The following HSD17B12 variants were observed in gnomAD, a reference collection of about 807,000 sequenced individuals.
The protein encoded by HSD17B12 is very-long-chain 3-oxoacyl-CoA reductase.
A neutral mutation model predicts 39.3 loss-of-function variants in HSD17B12; 32 were observed. That is an observed-to-expected ratio of 0.81 (90% CI 0.61 to 1.09). The LOEUF is 1.09. HSD17B12 is among the 50% of genes least tolerant of loss of function. The pLI is 0.00. For missense variants in HSD17B12, 342 were observed against 382.9 expected, an observed-to-expected ratio of 0.89 and a Z score of 0.89; for synonymous variants, 150 against 146.7, an observed-to-expected ratio of 1.02 and a Z score of -0.16.
At chr11:43,600,588 G>A in the HSD17B12 span, among the ~76,000 whole-genome samples, 2 of 152,082 alleles carry the variant, frequency 1.3e-5, no homozygotes, top group Non-Finnish European at 2.9e-5. Flanking sequence ...ATATTTTGGT[G>A]TATGAGCTTT....
At chr11:43,744,428 T>C (rs1223848023) in intron 1 of HSD17B12, among the ~76,000 whole-genome samples, 2 of 152,194 alleles carry the variant, frequency 1.3e-5, no homozygotes, top group African/African-American at 4.8e-5. Flanking sequence ...GATACTTGCG[T>C]TAGAAGACAA....
At chr11:43,666,327 C>T in the HSD17B12 span, among the ~76,000 whole-genome samples, 12 of 152,158 alleles carry the variant, frequency 7.9e-5, no homozygotes, top group Non-Finnish European at 1.5e-5. Context: ...ACCTCAGCTC[C>T]CCTAGCAGCT....
chr11:43,674,678 A>T, the HSD17B12 span, among the ~76,000 whole-genome samples: 1 of 152,234 alleles, frequency 6.6e-6, no homozygotes, highest in African/African-American at 2.4e-5. Flanking sequence ...ACCAACAATT[A>T]TTGCCTATTT....
intron 3 of HSD17B12, among the ~76,000 whole-genome samples, chr11:43,772,879 G>A (rs1950662814): frequency 1.3e-5 from 2 of 152,188 alleles, no homozygotes; most frequent in Non-Finnish European, 1.5e-5. Flanking sequence ...GGGAGGCCGA[G>A]GTAGGTAGAT....
At chr11:43,603,667 A>C in the HSD17B12 span, among the ~76,000 whole-genome samples, 140 of 152,324 alleles carry the variant, frequency 9.2e-4, no homozygotes, top group African/African-American at 3.2e-3. Context: ...GCCACTCTTA[A>C]AAAATAAAAC....
chr11:43,754,180 T>A, intron 3 of HSD17B12, 59 bp downstream of exon 3: 2 of 1,152,742 alleles, frequency 1.7e-6, no homozygotes, highest in South Asian at 2.6e-5. Context: ...CAAGCAGTTA[T>A]CCGATACTGA....
intron 5 of HSD17B12, 34 bp from the exon 6 acceptor site, chr11:43,816,313 A>G: frequency 7.0e-7 from 1 of 1,430,912 alleles, no homozygotes; most frequent in Non-Finnish European, 9.5e-7. Context: ...TTTCATGATC[A>G]AGTGTATATA....
the HSD17B12 span, among the ~76,000 whole-genome samples, chr11:43,602,441 A>T: frequency 6.6e-6 from 1 of 152,148 alleles, no homozygotes; most frequent in East Asian, 1.9e-4. Flanking sequence ...TGTACAACTC[A>T]TTAATTTGTG....
chr11:43,690,396 A>ATTT (rs1565049786), intron 1 of HSD17B12, among the ~76,000 whole-genome samples: 3 of 27,416 alleles, frequency 1.1e-4, no homozygotes, highest in African/African-American at 4.9e-4. Context: ...ATATATATAT[A>ATTT]TATATATATT....
chr11:43,745,069 C>T (rs991132428), intron 1 of HSD17B12, among the ~76,000 whole-genome samples: 2 of 152,130 alleles, frequency 1.3e-5, no homozygotes, highest in South Asian at 2.1e-4. Context: ...ACCTCTTTGC[C>T]GGAAGGGAGG....
the HSD17B12 span, among the ~76,000 whole-genome samples, chr11:43,599,577 C>T: frequency 6.6e-6 from 1 of 152,266 alleles, no homozygotes; most frequent in East Asian, 1.9e-4. Flanking sequence ...TCCTTCTGCC[C>T]TCCTGCCTCT....
intron 3 of HSD17B12, among the ~76,000 whole-genome samples, chr11:43,776,432 G>T (rs1403462429): frequency 6.6e-6 from 1 of 151,896 alleles, no homozygotes; most frequent in East Asian, 1.9e-4. Flanking sequence ...CATGTCCTTC[G>T]CCCACTTTTT....
upstream of HSD17B12, among the ~76,000 whole-genome samples, chr11:43,677,932 C>T (rs961593718): frequency 6.6e-6 from 1 of 152,160 alleles, no homozygotes; most frequent in Non-Finnish European, 1.5e-5. Context: ...ATTTATAATC[C>T]TTTGGGTATA....
chr11:43,614,425 T>TTG, the HSD17B12 span, among the ~76,000 whole-genome samples: 1 of 152,210 alleles, frequency 6.6e-6, no homozygotes, highest in Non-Finnish European at 1.5e-5. Context: ...TTCAAGATTT[T>TTG]TCTTTTCTTC....
At chr11:43,725,849 C>A (rs546550462) in intron 1 of HSD17B12, among the ~76,000 whole-genome samples, 5 of 152,012 alleles carry the variant, frequency 3.3e-5, no homozygotes, top group Admixed American at 3.3e-4. Flanking sequence ...GAGAAAGACA[C>A]AACAGAGGAA....
intron 4 of HSD17B12, among the ~76,000 whole-genome samples, chr11:43,813,077 G>A (rs926595394): frequency 1.1e-4 from 17 of 152,070 alleles, no homozygotes; most frequent in African/African-American, 3.4e-4. Context: ...TCCTGACCTC[G>A]TGATCCGCCT....
chr11:43,728,590 A>C (rs1171813098), intron 1 of HSD17B12, among the ~76,000 whole-genome samples: 1 of 152,104 alleles, frequency 6.6e-6, no homozygotes, highest in Non-Finnish European at 1.5e-5. Context: ...AAAACAAAAA[A>C]TGGCTACTGT....
chr11:43,711,768 C>T (rs1336272365), intron 1 of HSD17B12, among the ~76,000 whole-genome samples: 3 of 152,102 alleles, frequency 2.0e-5, no homozygotes, highest in Non-Finnish European at 2.9e-5. Context: ...AGCCACCACA[C>T]CCGGCCTACA....
At chr11:43,557,825 T>A in the HSD17B12 span, among the ~76,000 whole-genome samples, 1 of 151,974 alleles carries the variant, frequency 6.6e-6, no homozygotes. Context: ...TCTGGGGACT[T>A]ACAGGGTTGG....
Sources: gnomAD v4.1 joint callset for allele counts (sites outside exome capture counted in the v4.1 genomes callset) on GRCh38, gnomAD v4.1.1 for gene constraint, MANE v1.5 for transcripts, NCBI Gene and HGNC (gene_info 2026-07-23, HGNC 2026-07-21) for gene names.